Variants in SOX5 observed in about 807,000 individuals in gnomAD.
SOX5 encodes the protein transcription factor SOX-5.
A neutral mutation model predicts 92.0 loss-of-function variants in SOX5; 9 were observed. The ratio of observed to expected loss-of-function variants is 0.10; its 90% CI spans 0.06 to 0.17. The LOEUF (loss-of-function observed/expected upper bound fraction) is 0.17, where lower values mean the gene tolerates loss of function less well. SOX5 is among the 10% of genes least tolerant of loss of function. The pLI, the probability that SOX5 is intolerant of heterozygous loss-of-function variation, is 1.00. For synonymous variants in SOX5, 344 were observed against 336.3 expected, an observed-to-expected ratio of 1.02 and a Z score of -0.25; for missense variants, 642 against 944.5, an observed-to-expected ratio of 0.68 and a Z score of 4.20.
intron 4 of SOX5, among the ~76,000 whole-genome samples, chr12:24,141,357 GTATTTAGGTAATGGAAGACAGTGGATA>G (rs1593540932): frequency 1.3e-5 from 2 of 152,214 alleles, no homozygotes; most frequent in East Asian, 1.9e-4. Flanking sequence ...GCTACAGATT[GTATTTAGGTAATGGAAGACAGTGGATA>G]TATTGACAGG....
At position 23,692,747 on chromosome 12, in the gene SOX5, G is replaced by A. The variant is rs138725651; in HGVS notation, c.811-27183C>T. Among the ~76,000 whole-genome samples, 1,169 of 152,152 alleles carry A rather than the reference G, an allele frequency of 7.7e-3. 16 individuals carry two copies. Among genetic ancestry groups the A allele is most frequent in the African/African-American group, 0.027 (1,120 of 41,494 alleles). On this transcript the variant is annotated intron_variant, in intron 6 of 14. Coordinates refer to ENST00000451604, the MANE Select transcript of SOX5 (RefSeq NM_006940.6). ...TTGACCTTACAATTGAGAGGGGCAC[G>A]GTAAATTTTTCCACAACAGTGGCTG...
chr12:23,928,370 T>C (rs950519820), intron 1 of SOX5, among the ~76,000 whole-genome samples: 1 of 152,022 alleles, frequency 6.6e-6, no homozygotes, highest in Admixed American at 6.6e-5. Context: ...TTTATGGGAA[T>C]TGATAAGTTA....
chr12:24,454,841 G>A (rs1393287533), intron 1 of SOX5, among the ~76,000 whole-genome samples: 1 of 151,918 alleles, frequency 6.6e-6, no homozygotes, highest in Non-Finnish European at 1.5e-5. Context: ...AATTTGACAG[G>A]AACTCTATTA....
At chr12:24,166,348 T>C (rs1953403941) in intron 4 of SOX5, among the ~76,000 whole-genome samples, 1 of 152,166 alleles carries the variant, frequency 6.6e-6, no homozygotes, top group South Asian at 2.1e-4. Context: ...CCAATGAATA[T>C]ACAGACCTCC....
At chr12:24,319,342 A>G (rs1949997728) in intron 2 of SOX5, among the ~76,000 whole-genome samples, 1 of 152,158 alleles carries the variant, frequency 6.6e-6, no homozygotes, top group Non-Finnish European at 1.5e-5. Flanking sequence ...AACCCCCATC[A>G]GTGAAGTCAT....
chr12:23,645,650 A>G (rs898240018), intron 7 of SOX5, among the ~76,000 whole-genome samples: 14 of 152,198 alleles, frequency 9.2e-5, no homozygotes, highest in African/African-American at 3.4e-4. Context: ...TTTAAAGCTC[A>G]TTACTTATAA....
intron 1 of SOX5, among the ~76,000 whole-genome samples, chr12:24,542,473 C>T (rs1366432942): frequency 1.3e-5 from 2 of 152,154 alleles, no homozygotes; most frequent in Non-Finnish European, 2.9e-5. Flanking sequence ...ACGTTCTTAG[C>T]CCACCTACAT....
Position 23,570,928 on chromosome 12 carries a change from AAAATATATATATATATATAT to A in SOX5, c.1342+4713_1342+4732del, listed in dbSNP as rs1477380390. 2.5e-3 allele frequency among the ~76,000 whole-genome samples: 59 copies of A among 23,192 alleles called. 5 individuals carry two copies. The highest frequency in any genetic ancestry group is 5.5e-3 in the South Asian group (3 of 546). 15.2% of individuals were successfully genotyped at this position (23,192 alleles called of 152,430 possible). On this transcript the variant is annotated intron_variant, in intron 10 of 14. Transcript: ENST00000451604. ...TCCAACTCAAAAAAAAAAAAAAAAA[AAAATATATATATATATATAT>A]ATATATATATATATATATATATATA... is the stretch of plus-strand genomic sequence containing the variant.
intron 3 of SOX5, among the ~76,000 whole-genome samples, chr12:24,276,800 A>G (rs1028028066): frequency 6.6e-6 from 1 of 152,144 alleles, no homozygotes; most frequent in African/African-American, 2.4e-5. Context: ...GGAATACTTA[A>G]TAGCCTATAG....
chr12:24,167,192 T>A (rs1163973157), intron 4 of SOX5, among the ~76,000 whole-genome samples: 5 of 152,210 alleles, frequency 3.3e-5, no homozygotes, highest in Non-Finnish European at 7.3e-5. Context: ...TTTAGGAGGA[T>A]AACGATAGTT....
At chr12:23,662,654 T>G (rs1421160608) in intron 7 of SOX5, among the ~76,000 whole-genome samples, 1 of 152,220 alleles carries the variant, frequency 6.6e-6, no homozygotes, top group Non-Finnish European at 1.5e-5. Context: ...ACAGGAGATG[T>G]TAACTCAATT....
chr12:23,717,779 G>A (rs1465585789), intron 6 of SOX5, among the ~76,000 whole-genome samples: 1 of 152,178 alleles, frequency 6.6e-6, no homozygotes, highest in East Asian at 1.9e-4. Context: ...AGTAAATACA[G>A]CACATCCTGA....
intron 6 of SOX5, among the ~76,000 whole-genome samples, chr12:23,686,616 C>T (rs987621466): frequency 1.3e-5 from 2 of 152,072 alleles, no homozygotes; most frequent in African/African-American, 4.8e-5. Flanking sequence ...AATACAAATT[C>T]TCTTTTAAGA....
intron 3 of SOX5, among the ~76,000 whole-genome samples, chr12:23,793,741 C>T (rs922447629): frequency 3.9e-5 from 6 of 152,128 alleles, no homozygotes; most frequent in Admixed American, 6.6e-5. Context: ...CAACATAAAC[C>T]GGATCTCTGT....
At chr12:23,645,981 T>C (rs974377655) in intron 7 of SOX5, among the ~76,000 whole-genome samples, 6 of 152,194 alleles carry the variant, frequency 3.9e-5, no homozygotes, top group Admixed American at 1.3e-4. Context: ...AAGTGTGCAA[T>C]AGAATTATGT....
Position 23,895,926 on chromosome 12 carries a change from C to T in SOX5, c.137G>A (p.Gly46Glu). The change falls in exon 2 of 15, where the codon GGG becomes GAG. Residue 46 changes from glycine to glutamate, a missense_variant. This residue lies in a region of SOX5 where 113 missense variants were observed against 117.7 expected (regional missense o/e 0.96). Coordinates refer to ENST00000451604, the MANE Select transcript of SOX5 (RefSeq NM_006940.6). ...RQKVEEEESD[G>E]LPAFHLPLHV... ...CAAGGGAAGGTGAAAGGCTGGGAGCCCGTCACTCTCCTCTTCTTCCACTTT... is the reference window on the plus strand; with the variant it reads ...CAAGGGAAGGTGAAAGGCTGGGAGCTCGTCACTCTCCTCTTCTTCCACTTT... The T allele has an allele frequency of 6.2e-7, 1 of 1,614,036 alleles. No individual in the cohort carries two copies. The highest frequency in any genetic ancestry group is 8.5e-7 in the Non-Finnish European group (1 of 1,179,906).
At chr12:23,788,552 A>G (rs2095419795) in intron 3 of SOX5, among the ~76,000 whole-genome samples, 1 of 151,970 alleles carries the variant, frequency 6.6e-6, no homozygotes, top group African/African-American at 2.4e-5. Flanking sequence ...AAGCAATTGT[A>G]TAATGGCCTG....
At chr12:23,835,998 G>C (rs2096408660) in intron 3 of SOX5, among the ~76,000 whole-genome samples, 1 of 151,772 alleles carries the variant, frequency 6.6e-6, no homozygotes, top group Admixed American at 6.6e-5. Flanking sequence ...GAGATTGAAA[G>C]AAGCATTTTA....
intron 1 of SOX5, among the ~76,000 whole-genome samples, chr12:24,483,896 T>A (rs1189219696): frequency 6.6e-6 from 1 of 152,248 alleles, no homozygotes; most frequent in African/African-American, 2.4e-5. Context: ...TTCTAAATTC[T>A]TTTAAAATTA....
Sources: allele counts gnomAD v4.1 joint callset (sites outside exome capture counted in the v4.1 genomes callset), GRCh38; gene constraint gnomAD v4.1.1; regional missense constraint gnomAD v4.1.1; transcripts MANE v1.5; gene names NCBI Gene and HGNC (gene_info 2026-07-23, HGNC 2026-07-21).